The following PLD1 variants were observed in gnomAD, a reference collection of about 807,000 sequenced individuals.
The protein encoded by PLD1 is phospholipase D1, also known as choline phosphatase 1.
PLD1 carries 112 observed loss-of-function variants against 137.1 expected under a neutral mutation model. The observed-to-expected ratio is 0.82, with a 90% CI of 0.70 to 0.96. The LOEUF (loss-of-function observed/expected upper bound fraction) is 0.96, where lower values mean the gene tolerates loss of function less well. Among genes scored for constraint, PLD1 ranks in the 40% least tolerant of loss-of-function variants. The pLI, the probability that PLD1 is intolerant of heterozygous loss-of-function variation, is 0.00. For missense variants in PLD1, 1,321 were observed against 1,342.0 expected, an observed-to-expected ratio of 0.98 and a Z score of 0.24; for synonymous variants, 431 against 454.7, an observed-to-expected ratio of 0.95 and a Z score of 0.66.
intron 1 of PLD1, among the ~76,000 whole-genome samples, chr3:171,750,421 A>G (rs1021267047): frequency 1.2e-4 from 19 of 152,170 alleles, no homozygotes; most frequent in African/African-American, 4.3e-4. Flanking sequence ...TCTAACAAGC[A>G]TATAATTTGA....
At chr3:171,788,700 A>G (rs1445470520) in intron 1 of PLD1, 1 of 152,242 alleles carries the variant, frequency 6.6e-6, no homozygotes, top group Admixed American at 6.5e-5. Context: ...ATTCCTGGAC[A>G]AAAGAGCTTT....
chr3:171,751,152 TAAG>T (rs1720628933), intron 1 of PLD1, among the ~76,000 whole-genome samples: 2 of 152,164 alleles, frequency 1.3e-5, no homozygotes, highest in African/African-American at 2.4e-5. Flanking sequence ...AAAGCTCCAA[TAAG>T]AATAGTTTCC....
intron 20 of PLD1, 68 bp from the exon 21 acceptor site, chr3:171,659,369 T>C (rs980625444): frequency 3.1e-6 from 3 of 970,882 alleles, no homozygotes; most frequent in South Asian, 2.6e-5. Context: ...AGAACAATAC[T>C]GTAATATATT....
intron 8 of PLD1, among the ~76,000 whole-genome samples, chr3:171,715,020 CAA>C (rs1183683650): frequency 6.6e-6 from 1 of 152,146 alleles, no homozygotes; most frequent in African/African-American, 2.4e-5. Flanking sequence ...AAATTCCAAA[CAA>C]AGTTTCTCAT....
chr3:171,793,229 A>G (rs1418666509), intron 1 of PLD1: 1 of 152,258 alleles, frequency 6.6e-6, no homozygotes, highest in African/African-American at 2.4e-5. Context: ...GCTGGCTCAT[A>G]TAGGCTCCTG....
At chr3:171,780,790 C>CT (rs1199270152) in intron 1 of PLD1, among the ~76,000 whole-genome samples, 2 of 152,278 alleles carry the variant, frequency 1.3e-5, no homozygotes, top group Admixed American at 1.3e-4. Flanking sequence ...GAGAATGTGA[C>CT]TACAGGGCAT....
rs189920003 is a variant in PLD1, at chr3:171,676,320, C to A, written c.2115+395G>T. On this transcript the variant is annotated intron_variant, in intron 18 of 26. Transcript: ENST00000351298. ...ATATAAACCCAGTGCAATTCCAGTCCCATCCAACTGGATGGGACTTTAAAG... is the reference window on the plus strand; with the variant it reads ...ATATAAACCCAGTGCAATTCCAGTCACATCCAACTGGATGGGACTTTAAAG... Among the ~76,000 whole-genome samples, 3 of 152,158 alleles carry A rather than the reference C, an allele frequency of 2.0e-5. No individual in the cohort carries two copies. The East Asian group carries it at 5.8e-4, about 29-fold the overall frequency.
At position 171,634,845 on chromosome 3, in the gene PLD1, C is replaced by A. The variant is rs562384508; in HGVS notation, c.2593+7995G>T. On this transcript the variant is annotated intron_variant, in intron 23 of 26. Transcript: ENST00000351298. ...GTATGTTTTATAAGTAGTACATTCA[C>A]AAGGCCGTACAACCATCACCACCAC... Among the ~76,000 whole-genome samples, 4 of 152,132 alleles carry A rather than the reference C, an allele frequency of 2.6e-5. No individual in the cohort carries two copies. In the South Asian group the frequency reaches 8.3e-4, roughly 32 times the overall value.
intron 24 of PLD1, among the ~76,000 whole-genome samples, chr3:171,613,817 C>A (rs961594783): frequency 5.9e-5 from 9 of 152,112 alleles, no homozygotes; most frequent in Non-Finnish European, 1.2e-4. Flanking sequence ...AACCTCATCA[C>A]GTTTTTTTGC....
At chr3:171,768,836 A>G (rs186301139) in intron 1 of PLD1, among the ~76,000 whole-genome samples, 56 of 152,358 alleles carry the variant, frequency 3.7e-4, no homozygotes, top group Admixed American at 7.2e-4. Flanking sequence ...ATCAACAAGA[A>G]AGCATGTTGG....
rs1733423530 is a variant in PLD1 at position 171,619,679 on chromosome 3, G to T, written c.2728+707C>A. Among the ~76,000 whole-genome samples, 3 of 152,124 alleles carry T rather than the reference G, an allele frequency of 2.0e-5. No homozygotes were observed. In the South Asian group the frequency reaches 6.2e-4, roughly 32 times the overall value. On this transcript the variant is annotated intron_variant, in intron 24 of 26. Coordinates refer to ENST00000351298, the MANE Select transcript of PLD1 (RefSeq NM_002662.5). ...TCAGATCTGTGGTAATGGTTAGGTG[G>T]ATGTGGTATAAACACATACGAATTA...
chr3:171,686,798 C>A lies in PLD1; in HGVS notation c.1754G>T (p.Ser585Ile). 7.2e-7 allele frequency: 1 copy of A among 1,390,772 alleles called. No homozygotes were observed. Among genetic ancestry groups the A allele is most frequent in the Non-Finnish European group, 1.0e-6 (1 of 999,612 alleles). 86.2% of individuals were successfully genotyped at this position (1,390,772 alleles called of 1,614,324 possible). The change falls in exon 16 of 27, where the codon AGT becomes ATT. Residue 585 changes from serine to isoleucine, a missense_variant and splice_region_variant. Transcript: ENST00000351298. ...ATGACTTCTATAGTGATTAAAATAA[C>A]CTAGAGAAATTAAGAATTTTTTTAC... ...DSISSIDSTS[S>I]YFNHYRSHHN...
chr3:171,609,774 G>A (rs1732511435), intron 25 of PLD1, among the ~76,000 whole-genome samples: 1 of 152,092 alleles, frequency 6.6e-6, no homozygotes, highest in African/African-American at 2.4e-5. Context: ...GTGGAGTGAA[G>A]GATGAGAAAT....
At chr3:171,771,591 C>T (rs978948375) in intron 1 of PLD1, among the ~76,000 whole-genome samples, 3 of 152,196 alleles carry the variant, frequency 2.0e-5, no homozygotes, top group African/African-American at 7.2e-5. Flanking sequence ...CCCTTCTCTC[C>T]CCTCAGACAC....
chr3:171,686,723 G>T lies in PLD1; in HGVS notation c.1829C>A (p.Ser610Tyr). 6.2e-7 allele frequency: 1 copy of T among 1,608,910 alleles called. No individual in the cohort carries two copies. The highest frequency in any genetic ancestry group is 8.5e-7 in the Non-Finnish European group (1 of 1,175,310). ...LKPHFKLFHP[S>Y]SESEQGLTRP... ...AGTGAGTCCTTGCTCAGACTCACTG[G>T]ACGGGTGAAAGAGTTTGAAGTGGGG... Residue 610 changes from serine to tyrosine, a missense_variant, in exon 16 of 27, where the codon TCC becomes TAC. Ser to Tyr is a moderately radical substitution (Grantham distance 144). Coordinates refer to ENST00000351298, the MANE Select transcript of PLD1 (RefSeq NM_002662.5).
intron 1 of PLD1, among the ~76,000 whole-genome samples, chr3:171,751,742 T>C (rs1720676113): frequency 6.6e-6 from 1 of 152,264 alleles, no homozygotes; most frequent in Admixed American, 6.5e-5. Flanking sequence ...GGCTCACGCC[T>C]GTAATCCCAG....
intron 11 of PLD1, among the ~76,000 whole-genome samples, chr3:171,700,652 A>G (rs1716164431): frequency 6.6e-6 from 1 of 152,222 alleles, no homozygotes; most frequent in East Asian, 1.9e-4. Context: ...AAAGCATTCT[A>G]ATAGATACAC....
intron 23 of PLD1, among the ~76,000 whole-genome samples, chr3:171,622,459 T>C (rs898139606): frequency 6.6e-6 from 1 of 152,192 alleles, no homozygotes; most frequent in Non-Finnish European, 1.5e-5. Context: ...AGGATGCAAG[T>C]CTGCTCATAT....
At chr3:171,694,665 T>C in intron 12 of PLD1, among the ~76,000 whole-genome samples, 1 of 152,168 alleles carries the variant, frequency 6.6e-6, no homozygotes, top group East Asian at 1.9e-4. Context: ...ATGACCCATT[T>C]ATTTTAAGCA....
Sources: allele counts gnomAD v4.1 joint callset (sites outside exome capture counted in the v4.1 genomes callset), GRCh38; gene constraint gnomAD v4.1.1; transcripts MANE v1.5; gene names NCBI Gene and HGNC (gene_info 2026-07-23, HGNC 2026-07-21).